ZAP70: variants seen among roughly 807,000 people sequenced by gnomAD.
ZAP70 encodes zeta chain of T cell receptor associated protein kinase 70, also known as tyrosine-protein kinase ZAP-70.
A neutral mutation model predicts 65.8 loss-of-function variants in ZAP70; 27 were observed. That is an observed-to-expected ratio of 0.41 (90% CI 0.30 to 0.57). ZAP70 has a LOEUF of 0.57. Ranked by LOEUF, ZAP70 falls within the 20% of genes least tolerant of loss-of-function variation. The probability of loss-of-function intolerance (pLI) is 0.28; values close to 1 mark genes in which losing one functional copy is unlikely to be tolerated. For synonymous variants in ZAP70, 363 were observed against 360.8 expected, an observed-to-expected ratio of 1.01 and a Z score of -0.07; for missense variants, 696 against 870.5, an observed-to-expected ratio of 0.80 and a Z score of 2.52.
chr2:97,748,948 T>G, the ZAP70 span, among the ~76,000 whole-genome samples: 4 of 151,890 alleles, frequency 2.6e-5, no homozygotes, highest in Non-Finnish European at 4.4e-5. Flanking sequence ...CGTGACGGTT[T>G]AGTCTGGGAG....
the ZAP70 span, among the ~76,000 whole-genome samples, chr2:97,748,787 G>A: frequency 0.77 from 117,236 of 152,124 alleles, 47,041 homozygotes; most frequent in African/African-American, 0.92. Context: ...TTTATAAAAC[G>A]TACAGCACCG....
intron 4 of ZAP70, among the ~76,000 whole-genome samples, chr2:97,729,028 C>T (rs1677501068): frequency 6.6e-6 from 1 of 152,256 alleles, no homozygotes; most frequent in African/African-American, 2.4e-5. Context: ...GCTGGGATCA[C>T]AGGCGTGAGC....
chr2:97,743,479 G>GCACCCGC (rs1678178773), downstream of ZAP70, among the ~76,000 whole-genome samples: 1 of 152,172 alleles, frequency 6.6e-6, no homozygotes, highest in African/African-American at 2.4e-5. Context: ...GGGACTACAG[G>GCACCCGC]CACCCGCCAC....
In ZAP70 at chr2:97,739,651, C is replaced by G. The variant is rs201196951; in HGVS notation, c.*153C>G. 1 of 1,194,560 alleles carries G rather than the reference C, an allele frequency of 8.4e-7. No homozygotes were observed. Among genetic ancestry groups the G allele is most frequent in the African/African-American group, 1.5e-5 (1 of 66,534 alleles). The allele number at this position is 1,194,560 out of a possible 1,614,324, so 74.0% of individuals were successfully genotyped here. ...CTCAGGCCACACCGGCCTTGCATTGCCTGCCTGGCCCCCTGTCCTCTCTGG... is the reference window on the plus strand; with the variant it reads ...CTCAGGCCACACCGGCCTTGCATTGGCTGCCTGGCCCCCTGTCCTCTCTGG... On this transcript the variant is annotated 3_prime_UTR_variant, in exon 14 of 14. Coordinates refer to ENST00000264972, the MANE Select transcript of ZAP70 (RefSeq NM_001079.4).
chr2:97,725,147 T>C lies in ZAP70; in HGVS notation c.458T>C (p.Ile153Thr). Residue 153 changes from isoleucine (I) to threonine (T), a missense_variant, in exon 4 of 14, where the codon ATT (isoleucine) becomes ACT (threonine). Coordinates refer to ENST00000264972, the MANE Select transcript of ZAP70 (RefSeq NM_001079.4). Reference sequence around the variant, plus strand: ...CAGGCCCCGCAGGTGGAGAAGCTCATTGCTACGACGGCCCACGAGCGGATG... The same window carrying C: ...CAGGCCCCGCAGGTGGAGAAGCTCACTGCTACGACGGCCCACGAGCGGATG... ...ISQAPQVEKL[I>T]ATTAHERMPW... 6.2e-7 allele frequency: 1 copy of C among 1,614,100 alleles called. No individual in the cohort carries two copies. Among genetic ancestry groups the C allele is most frequent in the Non-Finnish European group, 8.5e-7 (1 of 1,179,996 alleles).
intron 2 of ZAP70, among the ~76,000 whole-genome samples, chr2:97,716,224 G>C (rs1030812965): frequency 5.0e-4 from 76 of 152,278 alleles, no homozygotes; most frequent in African/African-American, 1.7e-3. Context: ...CTCCACCCAA[G>C]GAAGCCCCTG....
chr2:97,737,369 C>G lies in ZAP70; in HGVS notation c.1290-104C>G, dbSNP rs1258013442. ...GGTGCTCAATAAGCGTTTTTGAACA[C>G]ATGGTCACCTGGCTCATGCCCAGCT... On this transcript the variant is annotated intron_variant, in intron 10 of 13. Transcript: ENST00000264972. The surrounding 1 kb of genome is among the most constrained non-coding windows in gnomAD (Gnocchi z 5.0). The G allele has an allele frequency of 7.9e-7, 1 of 1,267,538 alleles. No individual in the cohort carries two copies. The highest frequency in any genetic ancestry group is 1.5e-5 in the African/African-American group (1 of 68,200). 78.5% of individuals were successfully genotyped at this position (1,267,538 alleles called of 1,614,324 possible).
In ZAP70 at chr2:97,731,599, G is replaced by C. The variant is rs1677610502; in HGVS notation, c.564-1284G>C. Among the ~76,000 whole-genome samples, 1 of 152,176 alleles carries C rather than the reference G, an allele frequency of 6.6e-6. No individual in the cohort carries two copies. Among genetic ancestry groups the C allele is most frequent in the Non-Finnish European group, 1.5e-5 (1 of 68,040 alleles). ...TCGGGGAACGTGCTGTCCAGGAATGGAGAGGATGGTCACAGCTGCACCTCT... is the reference window on the plus strand; with the variant it reads ...TCGGGGAACGTGCTGTCCAGGAATGCAGAGGATGGTCACAGCTGCACCTCT... On this transcript the variant is annotated intron_variant, in intron 4 of 13. Transcript: ENST00000264972. The surrounding 1 kb of genome is among the most constrained non-coding windows in gnomAD (Gnocchi z 4.0).
At position 97,725,178 on chromosome 2, in the gene ZAP70, G is replaced by A; in HGVS notation, c.489G>A (p.Trp163Ter). ...IATTAHERMP[W>*]YHSSLTREEA... ...CGACGGCCCACGAGCGGATGCCCTG[G>A]TACCACAGCAGCCTGACGCGTGAGG... The change falls in exon 4 of 14, where the codon TGG (tryptophan) becomes TGA (stop). Residue 163 changes from tryptophan to a stop codon, truncating the protein, a stop_gained. Transcript: ENST00000264972. LOFTEE classifies it high-confidence loss of function. 1 of 1,614,184 alleles carries A rather than the reference G, an allele frequency of 6.2e-7. No homozygotes were observed. Among genetic ancestry groups the A allele is most frequent in the Non-Finnish European group, 8.5e-7 (1 of 1,180,022 alleles).
the ZAP70 span, among the ~76,000 whole-genome samples, chr2:97,750,335 C>A: frequency 6.6e-6 from 1 of 152,168 alleles, no homozygotes; most frequent in African/African-American, 2.4e-5. Context: ...CAGGAAGTAG[C>A]AATTGTAGGA....
At chr2:97,730,549 A>T (rs1677558595) in intron 4 of ZAP70, among the ~76,000 whole-genome samples, 1 of 152,106 alleles carries the variant, frequency 6.6e-6, no homozygotes, top group Non-Finnish European at 1.5e-5. Context: ...GGCCAACCTC[A>T]ATGTTCAACC....
chr2:97,719,972 C>T (rs1175324736), intron 2 of ZAP70, among the ~76,000 whole-genome samples: 1 of 152,152 alleles, frequency 6.6e-6, no homozygotes, highest in Non-Finnish European at 1.5e-5. Flanking sequence ...TTCATCCAGC[C>T]TGAGGCCTTT....
the ZAP70 span, among the ~76,000 whole-genome samples, chr2:97,753,398 C>T: frequency 6.6e-6 from 1 of 152,190 alleles, no homozygotes; most frequent in African/African-American, 2.4e-5. Context: ...TGCTGTAGCT[C>T]ATAAGCCAGA....
At chr2:97,744,475 T>G (rs2104718664), downstream of ZAP70, among the ~76,000 whole-genome samples, 1 of 152,336 alleles carries the variant, frequency 6.6e-6, no homozygotes, top group South Asian at 2.1e-4. Flanking sequence ...ATAATAACTG[T>G]GTTTACCTTT....
intron 9 of ZAP70, 194 bp from the exon 10 acceptor site, chr2:97,735,056 C>T: frequency 1.4e-6 from 1 of 703,480 alleles, no homozygotes; most frequent in South Asian, 1.8e-5. Context: ...TCCCGGTGAG[C>T]GATCCGGCTG....
In ZAP70 at chr2:97,739,796, T is replaced by C. The variant is rs1293222570; in HGVS notation, c.*298T>C. 4.4e-6 allele frequency: 2 copies of C among 454,584 alleles called. No individual in the cohort carries two copies. The highest frequency in any genetic ancestry group is 3.9e-5 in the African/African-American group (2 of 50,918). The allele number at this position is 454,584 out of a possible 1,614,324, so 28.2% of individuals were successfully genotyped here. A position where few individuals can be genotyped will look rare whatever the true frequency, so the allele number is the denominator to read the frequency against. On this transcript the variant is annotated 3_prime_UTR_variant, in exon 14 of 14. Transcript: ENST00000264972. ...GGATGCCTTCCCCTGGGCCCTGACA[T>C]TGGAGCCTGGGCATCCTCAGGTGGT...
intron 2 of ZAP70, among the ~76,000 whole-genome samples, chr2:97,716,208 G>A (rs1269762254): frequency 1.3e-5 from 2 of 152,104 alleles, no homozygotes; most frequent in East Asian, 1.9e-4. Context: ...CTCCTCTCCC[G>A]CCATCCTCCA....
At chr2:97,720,593 C>T (rs540322164) in intron 2 of ZAP70, among the ~76,000 whole-genome samples, 1 of 152,316 alleles carries the variant, frequency 6.6e-6, no homozygotes, top group South Asian at 2.1e-4. Context: ...CCCATGTGAT[C>T]CACCCGCCTT....
chr2:97,717,780 G>T (rs1430086278), intron 2 of ZAP70, among the ~76,000 whole-genome samples: 2 of 152,000 alleles, frequency 1.3e-5, no homozygotes, highest in Non-Finnish European at 2.9e-5. Flanking sequence ...TTTTTCCTTT[G>T]AAGCATGTTT....
Sources: allele counts gnomAD v4.1 joint callset (sites outside exome capture counted in the v4.1 genomes callset), GRCh38; gene constraint gnomAD v4.1.1; non-coding constraint Gnocchi (gnomAD v3.1); transcripts MANE v1.5; gene names NCBI Gene and HGNC (gene_info 2026-07-23, HGNC 2026-07-21).